The following NRXN1 variants were observed in gnomAD, a reference collection of about 807,000 sequenced individuals.
The protein encoded by NRXN1 is neurexin 1.
A neutral mutation model predicts 150.9 loss-of-function variants in NRXN1; 39 were observed. The ratio of observed to expected loss-of-function variants is 0.26; its 90% CI spans 0.20 to 0.34. NRXN1 has a LOEUF of 0.34. Ranked by LOEUF, NRXN1 falls within the 10% of genes least tolerant of loss-of-function variation. NRXN1 has a pLI of 1.00. For synonymous variants in NRXN1, 924 were observed against 757.0 expected (o/e 1.22, Z -3.62); for missense variants, 1,815 against 1,949.9 (o/e 0.93, Z 1.30).
intron 5 of NRXN1, among the ~76,000 whole-genome samples, chr2:50,674,728 A>C (rs143357072): frequency 1.3e-5 from 2 of 152,112 alleles, no homozygotes; most frequent in Non-Finnish European, 2.9e-5. Flanking sequence ...CCAGGTTTTT[A>C]GCTTGGGTGA....
In NRXN1 at chr2:50,600,321, C is replaced by CTT. The variant is rs779234312; in HGVS notation, c.1320+19699_1320+19700dup. Among the ~76,000 whole-genome samples the CTT allele has an allele frequency of 3.0e-3, 361 of 120,208 alleles. 6 individuals carry two copies. The highest frequency in any genetic ancestry group is 3.9e-3 in the African/African-American group (121 of 30,962). 78.9% of individuals were successfully genotyped at this position (120,208 alleles called of 152,430 possible). A position where few individuals can be genotyped will look rare whatever the true frequency, so the allele number is the denominator to read the frequency against. On this transcript the variant is annotated intron_variant, in intron 8 of 22. Transcript: ENST00000401669. Reference sequence around the variant, plus strand: ...TCTAGGTAAAAGTAGTTAAGACTAGCTTTTTTTTTTTTTTTTTTTTTGAGA... The same window carrying CTT: ...TCTAGGTAAAAGTAGTTAAGACTAGCTTTTTTTTTTTTTTTTTTTTTTTGAGA...
chr2:50,601,255 A>G (rs1306487351), intron 8 of NRXN1, among the ~76,000 whole-genome samples: 1 of 152,200 alleles, frequency 6.6e-6, no homozygotes, highest in African/African-American at 2.4e-5. Context: ...ATAAAAGTAA[A>G]TTAAATCAGT....
intron 21 of NRXN1, among the ~76,000 whole-genome samples, chr2:49,985,662 C>A (rs1471503466): frequency 1.3e-5 from 2 of 152,168 alleles, no homozygotes; most frequent in Non-Finnish European, 2.9e-5. Context: ...ACAAGCAAGA[C>A]AAATGGAGTT....
intron 19 of NRXN1, among the ~76,000 whole-genome samples, chr2:50,072,529 T>TAA (rs1277381292): frequency 2.4e-5 from 2 of 85,026 alleles, no homozygotes; most frequent in African/African-American, 9.2e-5. Context: ...CCTAAGAAAT[T>TAA]TAAAAAAAAA....
intron 12 of NRXN1, among the ~76,000 whole-genome samples, chr2:50,512,048 T>G (rs753648027): frequency 2.6e-5 from 4 of 152,060 alleles, no homozygotes; most frequent in Non-Finnish European, 5.9e-5. Context: ...CCTATTTTTA[T>G]CTGTAAAATG....
At chr2:51,025,222 C>T (rs1420268803) in intron 2 of NRXN1, among the ~76,000 whole-genome samples, 1 of 152,146 alleles carries the variant, frequency 6.6e-6, no homozygotes, top group Non-Finnish European at 1.5e-5. Context: ...TGACTCAATG[C>T]TTCAGAAGAA....
At chr2:50,197,023 T>C (rs1036513618) in intron 18 of NRXN1, among the ~76,000 whole-genome samples, 6 of 152,172 alleles carry the variant, frequency 3.9e-5, no homozygotes, top group Non-Finnish European at 8.8e-5. Context: ...AGCTTACCTA[T>C]GTAACAAATC....
chr2:50,054,368 T>C (rs1437268043), intron 20 of NRXN1, among the ~76,000 whole-genome samples: 1 of 152,280 alleles, frequency 6.6e-6, no homozygotes, highest in East Asian at 1.9e-4. Flanking sequence ...TATCATCAAA[T>C]TGAGTATCCA....
chr2:50,885,820 AACACACACAC>A (rs57614861), intron 5 of NRXN1, among the ~76,000 whole-genome samples: 5 of 143,750 alleles, frequency 3.5e-5, no homozygotes, highest in East Asian at 2.0e-4. Context: ...TATTTCTATA[AACACACACAC>A]ACACACACAC....
intron 17 of NRXN1, among the ~76,000 whole-genome samples, chr2:50,441,014 T>G (rs557313672): frequency 1.4e-4 from 22 of 152,288 alleles, no homozygotes; most frequent in African/African-American, 5.3e-4. Flanking sequence ...GCCAGACACA[T>G]TAACACAGAT....
chr2:50,830,028 A>AAAAAAAAAAAAAAAC (rs1671192577), intron 5 of NRXN1, among the ~76,000 whole-genome samples: 1 of 126,824 alleles, frequency 7.9e-6, no homozygotes, highest in Non-Finnish European at 1.7e-5. Flanking sequence ...AAAAAAAAAA[A>AAAAAAAAAAAAAAAC]AAGCTCATTT....
intron 13 of NRXN1, 62 bp downstream of exon 13, chr2:50,506,433 C>G: frequency 6.6e-7 from 1 of 1,522,340 alleles, no homozygotes; most frequent in Non-Finnish European, 8.9e-7. Context: ...GCAAAACCAC[C>G]TGCAAGAAAT....
At chr2:50,431,754 A>G (rs1391793519) in intron 17 of NRXN1, among the ~76,000 whole-genome samples, 1 of 152,188 alleles carries the variant, frequency 6.6e-6, no homozygotes, top group African/African-American at 2.4e-5. Flanking sequence ...AGGCTGTATG[A>G]TCTGCAAAGC....
chr2:50,047,988 A>G (rs1692100235), intron 21 of NRXN1, among the ~76,000 whole-genome samples: 1 of 152,142 alleles, frequency 6.6e-6, no homozygotes. Flanking sequence ...GCATCTACCA[A>G]TAGAGCATTT....
At chr2:50,960,135 T>C (rs924353907) in intron 2 of NRXN1, among the ~76,000 whole-genome samples, 1 of 151,956 alleles carries the variant, frequency 6.6e-6, no homozygotes, top group African/African-American at 2.4e-5. Flanking sequence ...ACTCCTCTTA[T>C]CTAACAGATG....
intron 5 of NRXN1, among the ~76,000 whole-genome samples, chr2:50,861,641 T>C (rs1383241289): frequency 6.6e-6 from 1 of 152,068 alleles, no homozygotes; most frequent in Non-Finnish European, 1.5e-5. Flanking sequence ...CTTTTGGATC[T>C]ATAATTTATT....
intron 17 of NRXN1, among the ~76,000 whole-genome samples, chr2:50,373,672 A>C (rs2080246114): frequency 9.3e-6 from 1 of 107,710 alleles, no homozygotes; most frequent in South Asian, 2.8e-4. Context: ...GAAAGAAAGA[A>C]AGAAAGAAAA....
At chr2:49,991,525 A>G (rs1681955637) in intron 21 of NRXN1, among the ~76,000 whole-genome samples, 1 of 152,168 alleles carries the variant, frequency 6.6e-6, no homozygotes, top group South Asian at 2.1e-4. Context: ...ATCAAACAAA[A>G]TATCTAAAAA....
At chr2:50,107,346 A>T (rs1483773476) in intron 18 of NRXN1, among the ~76,000 whole-genome samples, 1 of 151,100 alleles carries the variant, frequency 6.6e-6, no homozygotes, top group Non-Finnish European at 1.5e-5. Context: ...CTCTCAGACT[A>T]TTCAACTGGA....
Sources: gnomAD v4.1 joint callset for allele counts (sites outside exome capture counted in the v4.1 genomes callset) on GRCh38, gnomAD v4.1.1 for gene constraint, MANE v1.5 for transcripts, NCBI Gene and HGNC (gene_info 2026-07-23, HGNC 2026-07-21) for gene names.